Variants in KLHL11 observed in about 807,000 individuals in gnomAD.
KLHL11 encodes kelch-like protein 11.
KLHL11 carries 26 observed loss-of-function variants against 56.1 expected under a neutral mutation model. That is an observed-to-expected ratio of 0.46 (90% CI 0.34 to 0.64). The LOEUF is 0.64. Among genes scored for constraint, KLHL11 ranks in the 30% least tolerant of loss-of-function variants. KLHL11 has a pLI of 0.01. For missense variants in KLHL11, 627 were observed against 919.4 expected (o/e 0.68, Z 4.11); for synonymous variants, 338 against 345.8 (o/e 0.98, Z 0.25).
Position 41,848,645 on chromosome 17 carries a change from A to C in KLHL11, c.*5095T>G. 1 of 225,082 alleles carries C rather than the reference A, an allele frequency of 4.4e-6. No homozygotes were observed. Among genetic ancestry groups the C allele is most frequent in the Non-Finnish European group, 8.9e-6 (1 of 112,282 alleles). The allele number at this position is 225,082 out of a possible 1,614,324, so 13.9% of individuals were successfully genotyped here. A position where few individuals can be genotyped will look rare whatever the true frequency, so the allele number is the denominator to read the frequency against. On this transcript the variant is annotated 3_prime_UTR_variant, in exon 2 of 2. Coordinates refer to ENST00000319121, the MANE Select transcript of KLHL11 (RefSeq NM_018143.3). Reference sequence around the variant, plus strand: ...CATGTCTCAAGGTGTTCTAAATGCTACATCTCCTCTGAGTTAAGGGGAGAT... The same window carrying C: ...CATGTCTCAAGGTGTTCTAAATGCTCCATCTCCTCTGAGTTAAGGGGAGAT...
rs545392448 is a variant in KLHL11 at position 41,854,463 on chromosome 17, A to G, written c.1404T>C (p.Phe468=). ...CAGGATTATAAACAGTCACATCTTTAAAACCAGGACTAAAGTTGCCATGTC... is the reference window on the plus strand; with the variant it reads ...CAGGATTATAAACAGTCACATCTTTGAAACCAGGACTAAAGTTGCCATGTC... ...IGGHGNFSPG[F]KDVTVYNPEL... The change falls in exon 2 of 2, where the codon TTT becomes TTC. Residue 468 remains phenylalanine (F), a synonymous_variant. Coordinates refer to ENST00000319121, the MANE Select transcript of KLHL11 (RefSeq NM_018143.3). The surrounding 1 kb of genome is among the most constrained non-coding windows in gnomAD (Gnocchi z 4.9). The G allele has an allele frequency of 1.8e-4, 288 of 1,614,218 alleles. 2 individuals carry two copies. In the South Asian group the frequency reaches 3.0e-3, roughly 17 times the overall value.
Position 41,853,945 on chromosome 17 carries a change from C to T in KLHL11, c.1922G>A (p.Trp641Ter). The change falls in exon 2 of 2, where the codon TGG (tryptophan) becomes TAG (stop). Residue 641 changes from tryptophan (W) to a stop codon, truncating the protein, a stop_gained. Coordinates refer to ENST00000319121, the MANE Select transcript of KLHL11 (RefSeq NM_018143.3). LOFTEE classifies it high-confidence loss of function. The stretch of plus-strand genomic sequence containing the variant: ...TTGTGGCATAGGAGGAAGAAGCATC[C>T]ACCTCTTCCTCTCCGCACAATATCG... ...AYRYCAERKR[W>*]MLLPPMPQPR... The T allele has an allele frequency of 6.2e-7, 1 of 1,613,800 alleles. No homozygotes were observed. The highest frequency in any genetic ancestry group is 8.5e-7 in the Non-Finnish European group (1 of 1,179,690).
intron 1 of KLHL11, among the ~76,000 whole-genome samples, chr17:41,859,134 G>C (rs962110048): frequency 1.3e-5 from 2 of 152,010 alleles, no homozygotes; most frequent in African/African-American, 4.8e-5. Flanking sequence ...TCTTTGGGCA[G>C]CCAGAGGGGA....
At chr17:41,857,062 G>A (rs1305727014) in intron 1 of KLHL11, among the ~76,000 whole-genome samples, 2 of 152,074 alleles carry the variant, frequency 1.3e-5, no homozygotes, top group Admixed American at 1.3e-4. Flanking sequence ...TGGGCAGGGA[G>A]ATGCATGCCT....
chr17:41,862,335 C>T (rs188161189), intron 1 of KLHL11, among the ~76,000 whole-genome samples: 129 of 150,312 alleles, frequency 8.6e-4, no homozygotes, highest in Non-Finnish European at 1.4e-3. Flanking sequence ...TGCAGTGGCA[C>T]GACCTCAGCT....
intron 1 of KLHL11, among the ~76,000 whole-genome samples, chr17:41,860,055 A>G (rs998401121): frequency 9.9e-5 from 15 of 152,208 alleles, no homozygotes; most frequent in African/African-American, 2.9e-4. Context: ...ATGAAAATCA[A>G]TAAGGCAGGC....
At position 41,854,269 on chromosome 17, in the gene KLHL11, TG is replaced by T; in HGVS notation, c.1597del (p.Gln533SerfsTer39). ...CGGCAAAGATTCCACATCTTGCCAC[TG>T]TCGAGTCTCTGTATCATAGCAAGTA... ...VITCYDTETRQWQDVESLPLI... is the reference protein window; with the variant it reads ...VITCYDTETRXWQDVESLPLI... On this transcript the variant is annotated frameshift_variant, in exon 2 of 2. Transcript: ENST00000319121. LOFTEE classifies it high-confidence loss of function. The surrounding 1 kb of genome is among the most constrained non-coding windows in gnomAD (Gnocchi z 4.9). The T allele has an allele frequency of 6.2e-7, 1 of 1,614,242 alleles. No individual in the cohort carries two copies. The highest frequency in any genetic ancestry group is 8.5e-7 in the Non-Finnish European group (1 of 1,180,038).
At chr17:41,864,658 T>C (rs1445486963) in intron 1 of KLHL11, among the ~76,000 whole-genome samples, 168 bp downstream of exon 1, 1 of 152,198 alleles carries the variant, frequency 6.6e-6, no homozygotes, top group African/African-American at 2.4e-5. Context: ...TGCATCCTCC[T>C]CGCCCACCGC....
chr17:41,865,249 C>A lies in KLHL11; in HGVS notation c.122G>T (p.Arg41Leu). The A allele has an allele frequency of 6.3e-7, 1 of 1,587,444 alleles. No homozygotes were observed. The highest frequency in any genetic ancestry group is 2.3e-5 in the East Asian group (1 of 43,334). ...AGSAGLAAEV[R>L]GSGTVDFGPG... ...CCCGAAGTCCACCGTGCCGCTGCCT[C>A]GGACCTCGGCGGCCAGTCCTGCCGA... The change falls in exon 1 of 2, where the codon CGA (arginine) becomes CTA (leucine). Residue 41 changes from arginine (R) to leucine (L), a missense_variant. By Grantham distance (102) the Arg-to-Leu change is moderately radical. Coordinates refer to ENST00000319121, the MANE Select transcript of KLHL11 (RefSeq NM_018143.3).
chr17:41,862,439 AT>A (rs35656663), intron 1 of KLHL11, among the ~76,000 whole-genome samples: 19 of 145,348 alleles, frequency 1.3e-4, no homozygotes, highest in Admixed American at 2.1e-4. Context: ...TGCCTGGCTA[AT>A]TTTTTTTTTT....
In KLHL11 at chr17:41,865,391, C is replaced by T. The variant is rs1416670743; in HGVS notation, c.-21G>A. The stretch of plus-strand genomic sequence containing the variant: ...GCCATCTTGACGCCGCTGCGCCCGG[C>T]CTCCACAGCCTCGGAACGATGCGGC... On this transcript the variant is annotated 5_prime_UTR_variant, in exon 1 of 2. Transcript: ENST00000319121. 2.3e-6 allele frequency: 3 copies of T among 1,328,086 alleles called. No homozygotes were observed. In the East Asian group the frequency reaches 8.5e-5, roughly 37 times the overall value. 82.3% of individuals were successfully genotyped at this position (1,328,086 alleles called of 1,614,324 possible).
At chr17:41,856,029 C>T (rs1050852708) in intron 1 of KLHL11, among the ~76,000 whole-genome samples, 1 of 151,270 alleles carries the variant, frequency 6.6e-6, no homozygotes, top group Admixed American at 6.6e-5. Context: ...CTCACTTTAT[C>T]GGCCAGGCTG....
intron 1 of KLHL11, among the ~76,000 whole-genome samples, chr17:41,859,588 C>A (rs1216120461): frequency 6.6e-6 from 1 of 150,516 alleles, no homozygotes; most frequent in Admixed American, 6.6e-5. Context: ...AACAAAACAA[C>A]AACAACAAAA....
chr17:41,862,279 A>AT lies in KLHL11; in HGVS notation c.545+2546dup, dbSNP rs1168636204. On this transcript the variant is annotated intron_variant, in intron 1 of 1. Coordinates refer to ENST00000319121, the MANE Select transcript of KLHL11 (RefSeq NM_018143.3). ...AATTTTTGTATTTTTGTATTTATTT[A>AT]TTTTTTTTTTTGAGATGGAGTCTCA... 4.8e-3 allele frequency among the ~76,000 whole-genome samples: 536 copies of AT among 112,358 alleles called. 3 individuals carry two copies. The highest frequency in any genetic ancestry group is 7.3e-3 in the African/African-American group (214 of 29,282). 73.7% of individuals were successfully genotyped at this position (112,358 alleles called of 152,430 possible).
intron 1 of KLHL11, among the ~76,000 whole-genome samples, chr17:41,863,495 C>T (rs1046361442): frequency 1.3e-5 from 2 of 152,132 alleles, no homozygotes; most frequent in African/African-American, 2.4e-5. Flanking sequence ...CGCGCCTGGC[C>T]GCCACATCCT....
At position 41,852,160 on chromosome 17, in the gene KLHL11, G is replaced by T. The variant is rs769572037; in HGVS notation, c.*1580C>A. Among the ~76,000 whole-genome samples the T allele has an allele frequency of 6.6e-6, 1 of 151,948 alleles. No homozygotes were observed. Among genetic ancestry groups the T allele is most frequent in the South Asian group, 2.1e-4 (1 of 4,804 alleles). On this transcript the variant is annotated 3_prime_UTR_variant, in exon 2 of 2. Coordinates refer to ENST00000319121, the MANE Select transcript of KLHL11 (RefSeq NM_018143.3). ...TTCAAGTAGGAAGGACTACAGGCAC[G>T]TGCCAGCTACCACACTCAGCTAATT...
intron 1 of KLHL11, among the ~76,000 whole-genome samples, chr17:41,856,143 A>T (rs2144155450): frequency 6.6e-6 from 1 of 152,230 alleles, no homozygotes; most frequent in East Asian, 1.9e-4. Context: ...GGCGTGTGCC[A>T]CCACACCCAG....
At chr17:41,858,453 A>C (rs1381035136) in intron 1 of KLHL11, among the ~76,000 whole-genome samples, 1 of 150,308 alleles carries the variant, frequency 6.7e-6, no homozygotes, top group African/African-American at 2.5e-5. Flanking sequence ...TCTCCCCGAG[A>C]TGGAGTTTCG....
rs782127072 is a variant in KLHL11 at position 41,865,053 on chromosome 17, G to A, written c.318C>T (p.Arg106=). 1.9e-6 allele frequency: 3 copies of A among 1,586,848 alleles called. No individual in the cohort carries two copies. The East Asian group carries it at 6.8e-5, about 36-fold the overall frequency. Residue 106 remains arginine, a synonymous_variant, in exon 1 of 2, where the codon CGC becomes CGT. Transcript: ENST00000319121. ...ITLCFGGAGG[R]EFRAHRSVLA... Reference sequence around the variant, plus strand: ...GTACCGAGCGGTGGGCCCGGAACTCGCGGCCTCCAGCCCCGCCGAAGCACA... The same window carrying A: ...GTACCGAGCGGTGGGCCCGGAACTCACGGCCTCCAGCCCCGCCGAAGCACA...
Sources: allele counts gnomAD v4.1 joint callset (sites outside exome capture counted in the v4.1 genomes callset), GRCh38; gene constraint gnomAD v4.1.1; non-coding constraint Gnocchi (gnomAD v3.1); transcripts MANE v1.5; gene names NCBI Gene and HGNC (gene_info 2026-07-23, HGNC 2026-07-21).